Variants in KCNQ1 observed in about 807,000 individuals in gnomAD.
KCNQ1 encodes the protein potassium voltage-gated channel subfamily Q member 1.
In KCNQ1, 49 loss-of-function variants were observed where a neutral mutation model predicts 72.4. That is an observed-to-expected ratio of 0.68 (90% CI 0.54 to 0.86). The LOEUF is 0.86. Among genes scored for constraint, KCNQ1 ranks in the 40% least tolerant of loss-of-function variants. The pLI, the probability that KCNQ1 is intolerant of heterozygous loss-of-function variation, is 0.00. For missense variants in KCNQ1, 790 were observed against 945.1 expected, an observed-to-expected ratio of 0.84 and a Z score of 2.15; for synonymous variants, 450 against 412.6, an observed-to-expected ratio of 1.09 and a Z score of -1.10.
Position 2,664,824 on chromosome 11 carries a change from C to G in KCNQ1, c.1514+2743C>G, listed in dbSNP as rs530703508. 5.0e-6 allele frequency: 2 copies of G among 398,708 alleles called. No individual in the cohort carries two copies. Among genetic ancestry groups the G allele is most frequent in the African/African-American group, 4.1e-5 (2 of 48,750 alleles). 24.7% of individuals were successfully genotyped at this position (398,708 alleles called of 1,614,324 possible). A position where few individuals can be genotyped will look rare whatever the true frequency, so the allele number is the denominator to read the frequency against. ...ATTTCCATTTTTCTTCAGCATTCTACTGATGTTAAATGTATTACCATGCTG... is the reference window on the plus strand; with the variant it reads ...ATTTCCATTTTTCTTCAGCATTCTAGTGATGTTAAATGTATTACCATGCTG... On this transcript the variant is annotated intron_variant, in intron 11 of 15. Coordinates refer to ENST00000155840, the MANE Select transcript of KCNQ1 (RefSeq NM_000218.3). The surrounding 1 kb of genome is among the most constrained non-coding windows in gnomAD (Gnocchi z 5.1).
intron 10 of KCNQ1, chr11:2,660,893 ATAAT>A (rs1444219419): frequency 1.5e-5 from 6 of 398,560 alleles, no homozygotes; most frequent in African/African-American, 1.2e-4. Flanking sequence ...CATAGTCTGA[ATAAT>A]TAAGCAGCTT....
At position 2,690,990 on chromosome 11, in the gene KCNQ1, C is replaced by T; in HGVS notation, c.1514+28909C>T. On this transcript the variant is annotated intron_variant, in intron 11 of 15. Coordinates refer to ENST00000155840, the MANE Select transcript of KCNQ1 (RefSeq NM_000218.3). The surrounding 1 kb of genome is among the most constrained non-coding windows in gnomAD (Gnocchi z 5.1). ...TGTCAACAAAAGCCCACCAGACCAT[C>T]AATGAAGTGGGCAAAAGCTCTGGGT... 3 of 398,638 alleles carry T rather than the reference C, an allele frequency of 7.5e-6. No homozygotes were observed. Among genetic ancestry groups the T allele is most frequent in the Non-Finnish European group, 1.3e-5 (3 of 226,074 alleles). The allele number at this position is 398,638 out of a possible 1,614,324, so 24.7% of individuals were successfully genotyped here. A position where few individuals can be genotyped will look rare whatever the true frequency, so the allele number is the denominator to read the frequency against.
rs550636752 is a variant in KCNQ1 at position 2,602,278 on chromosome 11, G to GA, written c.1393+13437dup. On this transcript the variant is annotated intron_variant, in intron 10 of 15. Transcript: ENST00000155840. The surrounding 1 kb of genome is among the most constrained non-coding windows in gnomAD (Gnocchi z 4.8). ...AGACTTCTGGCCTCTAGAACTGTGA[G>GA]AAAAAAAAAAAAAGCGTGTCTTGTT... is the stretch of plus-strand genomic sequence containing the variant. Among the ~76,000 whole-genome samples the GA allele has an allele frequency of 3.0e-3, 410 of 136,726 alleles. No homozygotes were observed. Among genetic ancestry groups the GA allele is most frequent in the South Asian group, 7.6e-3 (33 of 4,332 alleles). 89.7% of individuals were successfully genotyped at this position (136,726 alleles called of 152,430 possible).
In KCNQ1 at chr11:2,659,017, T is replaced by C; in HGVS notation, c.1394-2944T>C. On this transcript the variant is annotated intron_variant, in intron 10 of 15. Coordinates refer to ENST00000155840, the MANE Select transcript of KCNQ1 (RefSeq NM_000218.3). This position sits in a 1 kb window ranked among gnomAD's most constrained non-coding sequence, Gnocchi z 4.3. ...TTTGAAAGCAACATATGCCAGCTCC[T>C]CCTCCTCCTTTCCTTTCACTGCTAT... 2.5e-6 allele frequency: 1 copy of C among 398,646 alleles called. No homozygotes were observed. The highest frequency in any genetic ancestry group is 3.6e-5 in the East Asian group (1 of 28,070). The allele number at this position is 398,646 out of a possible 1,614,324, so 24.7% of individuals were successfully genotyped here. A position where few individuals can be genotyped will look rare whatever the true frequency, so the allele number is the denominator to read the frequency against.
rs1846527110 is a variant in KCNQ1, at chr11:2,767,958, G to A, written c.1515-886G>A. Among the ~76,000 whole-genome samples the A allele has an allele frequency of 6.6e-6, 1 of 152,200 alleles. No homozygotes were observed. Among genetic ancestry groups the A allele is most frequent in the Admixed American group, 6.5e-5 (1 of 15,286 alleles). ...TGGGCCCCCACCCTGTTGGGTGTCA[G>A]TGCTCCCCAAACTGACAAGTGCCCT... On this transcript the variant is annotated intron_variant, in intron 11 of 15. Coordinates refer to ENST00000155840, the MANE Select transcript of KCNQ1 (RefSeq NM_000218.3). This position sits in a 1 kb window ranked among gnomAD's most constrained non-coding sequence, Gnocchi z 4.6.
At position 2,748,019 on chromosome 11, in the gene KCNQ1, G is replaced by C. The variant is rs924684280; in HGVS notation, c.1515-20825G>C. 6.6e-6 allele frequency among the ~76,000 whole-genome samples: 1 copy of C among 152,120 alleles called. No homozygotes were observed. The highest frequency in any genetic ancestry group is 2.4e-5 in the African/African-American group (1 of 41,414). On this transcript the variant is annotated intron_variant, in intron 11 of 15. Coordinates refer to ENST00000155840, the MANE Select transcript of KCNQ1 (RefSeq NM_000218.3). This position sits in a 1 kb window ranked among gnomAD's most constrained non-coding sequence, Gnocchi z 6.2. ...GCAGAATACTTCAAGAAGACCACTC[G>C]GGCCTAGGGCTCTGCAAGCAATATC...
intron 11 of KCNQ1, among the ~76,000 whole-genome samples, chr11:2,742,241 G>T (rs1490205965): frequency 6.6e-6 from 1 of 152,244 alleles, no homozygotes; most frequent in Non-Finnish European, 1.5e-5. Context: ...ACCCTGGGTG[G>T]TGCTGGCCAG....
chr11:2,671,960 G>A lies in KCNQ1; in HGVS notation c.1514+9879G>A, dbSNP rs142669363. ...TCTCTGTATCTGGGGTAGAAAGAGT[G>A]GGCTAAAAAGTCAGCTAGCACCCCT... On this transcript the variant is annotated intron_variant, in intron 11 of 15. Transcript: ENST00000155840. This position sits in a 1 kb window ranked among gnomAD's most constrained non-coding sequence, Gnocchi z 4.7. The A allele has an allele frequency of 3.6e-4, 143 of 398,584 alleles. No individual in the cohort carries two copies. The highest frequency in any genetic ancestry group is 2.5e-3 in the East Asian group (70 of 28,056). The allele number at this position is 398,584 out of a possible 1,614,324, so 24.7% of individuals were successfully genotyped here.
intron 10 of KCNQ1, chr11:2,637,791 G>A (rs1376462637): frequency 6.6e-6 from 1 of 152,194 alleles, no homozygotes; most frequent in Non-Finnish European, 1.5e-5. Flanking sequence ...GGGTGTTAAA[G>A]TCTCCCATTA....
At chr11:2,819,824 T>A (rs1457744450) in intron 15 of KCNQ1, among the ~76,000 whole-genome samples, 1 of 152,228 alleles carries the variant, frequency 6.6e-6, no homozygotes, top group African/African-American at 2.4e-5. Flanking sequence ...TTCTTAGGAT[T>A]TTCTACCACA....
Position 2,752,608 on chromosome 11 carries a change from A to C in KCNQ1, c.1515-16236A>C, listed in dbSNP as rs1404843260. Among the ~76,000 whole-genome samples the C allele has an allele frequency of 6.6e-6, 1 of 152,140 alleles. No homozygotes were observed. Among genetic ancestry groups the C allele is most frequent in the East Asian group, 1.9e-4 (1 of 5,192 alleles). ...GCGGGCTGTGTCCTCACGTGGCAGA[A>C]GAGGCAAAAATAAGGTGCAAACAAG... On this transcript the variant is annotated intron_variant, in intron 11 of 15. Coordinates refer to ENST00000155840, the MANE Select transcript of KCNQ1 (RefSeq NM_000218.3). This position sits in a 1 kb window ranked among gnomAD's most constrained non-coding sequence, Gnocchi z 5.2.
chr11:2,765,348 C>T (rs1318977705), intron 11 of KCNQ1, among the ~76,000 whole-genome samples: 1 of 152,120 alleles, frequency 6.6e-6, no homozygotes, highest in African/African-American at 2.4e-5. Context: ...GTACTGTAGT[C>T]AGAGAGCATA....
At chr11:2,522,516 C>T (rs571864781) in intron 1 of KCNQ1, among the ~76,000 whole-genome samples, 9 of 152,318 alleles carry the variant, frequency 5.9e-5, no homozygotes, top group South Asian at 4.1e-4. Flanking sequence ...GACCCCAGCT[C>T]GGCACCTGTG....
rs765989583 is a variant in KCNQ1 at position 2,698,429 on chromosome 11, A to G, written c.1514+36348A>G. The G allele has an allele frequency of 3.4e-5, 13 of 377,678 alleles. No homozygotes were observed. The highest frequency in any genetic ancestry group is 1.5e-4 in the Admixed American group (3 of 20,344). 23.4% of individuals were successfully genotyped at this position (377,678 alleles called of 1,614,324 possible). ...AACATAGTGGTGGCCCTTCAAGCCTACTACCCAGACTGAGACCTGCATCTG... is the reference window on the plus strand; with the variant it reads ...AACATAGTGGTGGCCCTTCAAGCCTGCTACCCAGACTGAGACCTGCATCTG... On this transcript the variant is annotated intron_variant, in intron 11 of 15. Transcript: ENST00000155840. The surrounding 1 kb of genome is among the most constrained non-coding windows in gnomAD (Gnocchi z 5.1).
Position 2,848,669 on chromosome 11 carries a change from G to C in KCNQ1, c.*666G>C. ...GTGGGGGGAACGCCCACTTCCCTGG[G>C]TTAGACTGCCAGCTCTTCCTAGCTG... On this transcript the variant is annotated 3_prime_UTR_variant, in exon 16 of 16. Transcript: ENST00000155840. 1 of 450,722 alleles carries C rather than the reference G, an allele frequency of 2.2e-6. No individual in the cohort carries two copies. The allele number at this position is 450,722 out of a possible 1,614,324, so 27.9% of individuals were successfully genotyped here. A position where few individuals can be genotyped will look rare whatever the true frequency, so the allele number is the denominator to read the frequency against.
At position 2,488,959 on chromosome 11, in the gene KCNQ1, T is replaced by G. The variant is rs1289443808; in HGVS notation, c.387-38969T>G. On this transcript the variant is annotated intron_variant, in intron 1 of 15. Transcript: ENST00000155840. The surrounding 1 kb of genome is among the most constrained non-coding windows in gnomAD (Gnocchi z 5.1). ...TTATTTACTGGAGATCTTTCTTGTT[T>G]ATTAATGTAACAATTTATAGGGAGG... Among the ~76,000 whole-genome samples the G allele has an allele frequency of 1.3e-5, 2 of 152,220 alleles. No individual in the cohort carries two copies. Among genetic ancestry groups the G allele is most frequent in the African/African-American group, 4.8e-5 (2 of 41,440 alleles).
Position 2,769,484 on chromosome 11 carries a change from C to T in KCNQ1, c.1590+565C>T, listed in dbSNP as rs569043304. On this transcript the variant is annotated intron_variant, in intron 12 of 15. Transcript: ENST00000155840. The surrounding 1 kb of genome is among the most constrained non-coding windows in gnomAD (Gnocchi z 4.6). ...GAGCTCCAGGGCTTCCATAAGCTGC[C>T]CTAACTTCTCCAGGGGCATGTCCCC... is the stretch of plus-strand genomic sequence containing the variant. Among the ~76,000 whole-genome samples the T allele has an allele frequency of 2.0e-5, 3 of 152,296 alleles. No individual in the cohort carries two copies. The South Asian group carries it at 6.2e-4, about 32-fold the overall frequency.
At chr11:2,831,994 G>T (rs919715109) in intron 15 of KCNQ1, among the ~76,000 whole-genome samples, 1 of 152,068 alleles carries the variant, frequency 6.6e-6, no homozygotes, top group African/African-American at 2.4e-5. Flanking sequence ...CTGCTCCAGG[G>T]GGGTGGCCTG....
At chr11:2,802,353 C>T (rs550374498) in intron 15 of KCNQ1, among the ~76,000 whole-genome samples, 1 of 152,358 alleles carries the variant, frequency 6.6e-6, no homozygotes, top group Admixed American at 6.5e-5. Flanking sequence ...AGCCTCCCAG[C>T]CCTCACCAGT....
Sources: gnomAD v4.1 joint callset for allele counts (sites outside exome capture counted in the v4.1 genomes callset) on GRCh38, gnomAD v4.1.1 for gene constraint, Gnocchi (gnomAD v3.1) non-coding constraint, MANE v1.5 for transcripts, NCBI Gene and HGNC (gene_info 2026-07-23, HGNC 2026-07-21) for gene names.